The following COL5A1 variants were observed in gnomAD, a reference collection of about 807,000 sequenced individuals.
COL5A1 encodes the protein collagen alpha-1(V) chain.
In COL5A1, 16 loss-of-function variants were observed where a neutral mutation model predicts 263.7. That is an observed-to-expected ratio of 0.06 (90% CI 0.04 to 0.09). The LOEUF is 0.09. COL5A1 is among the 10% of genes least tolerant of loss of function. The pLI is 1.00. For missense variants in COL5A1, 2,036 were observed against 2,540.5 expected (o/e 0.80, Z 4.27); for synonymous variants, 1,012 against 1,004.5 (o/e 1.01, Z -0.14).
rs187340023 is a variant in COL5A1 at position 134,794,568 on chromosome 9, A to G, written c.2701-514A>G. On this transcript the variant is annotated intron_variant, in intron 32 of 65. Coordinates refer to ENST00000371817, the MANE Select transcript of COL5A1 (RefSeq NM_000093.5). This position sits in a 1 kb window ranked among gnomAD's most constrained non-coding sequence, Gnocchi z 4.3. ...GGAGAAGCCGATGACTCTTGGATAT[A>G]TGATTTATATATTAAATTCCAAGTT... Among the ~76,000 whole-genome samples the G allele has an allele frequency of 4.3e-4, 66 of 152,356 alleles. No individual in the cohort carries two copies. Among genetic ancestry groups the G allele is most frequent in the African/African-American group, 1.4e-3 (60 of 41,588 alleles).
chr9:134,648,413 A>ACCAGGACATG (rs1452450759), intron 1 of COL5A1, among the ~76,000 whole-genome samples: 1 of 151,936 alleles, frequency 6.6e-6, no homozygotes, highest in East Asian at 1.9e-4. Flanking sequence ...GACTGCAGCC[A>ACCAGGACATG]CCAGGACATG....
chr9:134,643,043 T>G (rs1588392702), intron 1 of COL5A1, among the ~76,000 whole-genome samples: 2 of 152,290 alleles, frequency 1.3e-5, no homozygotes, highest in South Asian at 2.1e-4. Flanking sequence ...TGGGATGATA[T>G]GCAGATGTGG....
rs909115641 is a variant in COL5A1 at position 134,794,364 on chromosome 9, C to T, written c.2701-718C>T. Among the ~76,000 whole-genome samples the T allele has an allele frequency of 6.6e-6, 1 of 151,778 alleles. No homozygotes were observed. The highest frequency in any genetic ancestry group is 1.9e-4 in the East Asian group (1 of 5,170). ...AAACAAAAAAGAAACCAGTCAAGTT[C>T]AGGAAGCTGAGTTGGGACACGGTGG... On this transcript the variant is annotated intron_variant, in intron 32 of 65. Transcript: ENST00000371817. The surrounding 1 kb of genome is among the most constrained non-coding windows in gnomAD (Gnocchi z 4.3).
Position 134,730,354 on chromosome 9 carries a change from C to A in COL5A1, c.1043C>A (p.Thr348Lys), listed in dbSNP as rs1339426358. The A allele has an allele frequency of 2.5e-6, 4 of 1,614,122 alleles. No individual in the cohort carries two copies. Among genetic ancestry groups the A allele is most frequent in the Non-Finnish European group, 3.4e-6 (4 of 1,180,048 alleles). ...TACGTGCCCAGTGAGGACTACTACA[C>A]GCCCTCACCGTATGATGACCTCACC... The part of the protein sequence containing the change: ...YDYVPSEDYY[T>K]PSPYDDLTYG... The change falls in exon 7 of 66, where the codon ACG becomes AAG. Residue 348 changes from threonine to lysine, a missense_variant. Thr to Lys is a moderately conservative substitution (Grantham distance 78, BLOSUM62 -1). This residue lies in a region of COL5A1 where 600 missense variants were observed against 634.5 expected (regional missense o/e 0.95). Transcript: ENST00000371817.
chr9:134,798,654 A>G (rs1231922118), intron 37 of COL5A1, among the ~76,000 whole-genome samples, 193 bp downstream of exon 37: 1 of 94,874 alleles, frequency 1.1e-5, no homozygotes, highest in African/African-American at 4.2e-5. Context: ...GGGCCAGGGC[A>G]GAGCAGTCAT....
At position 134,763,640 on chromosome 9, in the gene COL5A1, G is replaced by A. The variant is rs374354165; in HGVS notation, c.1990-53G>A. 11 of 1,562,266 alleles carry A rather than the reference G, an allele frequency of 7.0e-6. No individual in the cohort carries two copies. In the South Asian group the frequency reaches 1.0e-4, roughly 14 times the overall value. On this transcript the variant is annotated intron_variant, in intron 19 of 65. Transcript: ENST00000371817. ...CTTGTGCACCACTGAGGGGAAGCTG[G>A]TGTCCAGGCTAACAGCTCATTTCTC...
In COL5A1 at chr9:134,689,075, G is replaced by T. The variant is rs184489396; in HGVS notation, c.110-1837G>T. ...TGAGTCCCCTGGAGGGACAGGGAGT[G>T]CTGGGGAGACAGAGTCCTCCGTCTG... is the stretch of plus-strand genomic sequence containing the variant. On this transcript the variant is annotated intron_variant, in intron 1 of 65. Transcript: ENST00000371817. 4.6e-5 allele frequency among the ~76,000 whole-genome samples: 7 copies of T among 152,308 alleles called. No individual in the cohort carries two copies. In the South Asian group the frequency reaches 1.2e-3, roughly 27 times the overall value.
rs1336610350 is a variant in COL5A1, at chr9:134,731,680, C to T, written c.1332+17C>T. The T allele has an allele frequency of 6.2e-7, 1 of 1,602,864 alleles. No individual in the cohort carries two copies. Among genetic ancestry groups the T allele is most frequent in the South Asian group, 1.1e-5 (1 of 90,224 alleles). ...TATGAAGGGGTGAGAGGGTGCAGGC[C>T]CCCGTTCCGGGTGGGGTTGGGGGGC... On this transcript the variant is annotated intron_variant, in intron 8 of 65. Coordinates refer to ENST00000371817, the MANE Select transcript of COL5A1 (RefSeq NM_000093.5).
intron 19 of COL5A1, 136 bp from the exon 20 acceptor site, chr9:134,763,557 G>A (rs893624658): frequency 8.0e-5 from 71 of 889,096 alleles, no homozygotes; most frequent in Middle Eastern, 6.5e-4. Context: ...AGGCCTTTCC[G>A]GCTGGTACCA....
At chr9:134,772,855 C>T in intron 26 of COL5A1, 21 bp downstream of exon 26, 1 of 1,613,206 alleles carries the variant, frequency 6.2e-7, no homozygotes, top group South Asian at 1.1e-5. Context: ...GCCACGCCCT[C>T]CTACCCTTCA....
At chr9:134,779,490 C>T (rs565407549) in intron 27 of COL5A1, among the ~76,000 whole-genome samples, 31 of 152,320 alleles carry the variant, frequency 2.0e-4, no homozygotes, top group Non-Finnish European at 8.8e-5. Flanking sequence ...CATGTTAACA[C>T]GGAGTTGAAA....
At chr9:134,722,144 C>T (rs904004110) in intron 4 of COL5A1, among the ~76,000 whole-genome samples, 6 of 152,222 alleles carry the variant, frequency 3.9e-5, no homozygotes, top group Admixed American at 1.3e-4. Flanking sequence ...GGAAATGATT[C>T]GAACGAAGCA....
intron 4 of COL5A1, among the ~76,000 whole-genome samples, chr9:134,720,404 A>G (rs1421630693): frequency 6.6e-6 from 1 of 152,182 alleles, no homozygotes; most frequent in Non-Finnish European, 1.5e-5. Flanking sequence ...TTCATCGACC[A>G]ATTTTCCTGG....
rs933136935 is a variant in COL5A1, at chr9:134,794,599, G to T, written c.2701-483G>T. Among the ~76,000 whole-genome samples, 1 of 152,214 alleles carries T rather than the reference G, an allele frequency of 6.6e-6. No homozygotes were observed. ...TATATATTAAATTCCAAGTTTGCGC[G>T]TCTGCAGAGCCTGTTGAAAATTTAA... On this transcript the variant is annotated intron_variant, in intron 32 of 65. Coordinates refer to ENST00000371817, the MANE Select transcript of COL5A1 (RefSeq NM_000093.5). The surrounding 1 kb of genome is among the most constrained non-coding windows in gnomAD (Gnocchi z 4.3).
At chr9:134,719,337 A>C (rs1834373991) in intron 4 of COL5A1, among the ~76,000 whole-genome samples, 1 of 152,242 alleles carries the variant, frequency 6.6e-6, no homozygotes. Context: ...CGCACATGTG[A>C]ATGCAAAACA....
intron 57 of COL5A1, among the ~76,000 whole-genome samples, chr9:134,819,308 A>AG (rs1266008832): frequency 6.6e-6 from 1 of 152,244 alleles, no homozygotes; most frequent in African/African-American, 2.4e-5. Context: ...AGAACCTTCC[A>AG]GCTAGGCACA....
intron 28 of COL5A1, among the ~76,000 whole-genome samples, chr9:134,781,368 T>C (rs1040227416): frequency 8.5e-5 from 13 of 152,238 alleles, no homozygotes; most frequent in Non-Finnish European, 5.9e-5. Flanking sequence ...CAGTTTGGCC[T>C]CTCCAAGAGC....
chr9:134,674,086 C>A (rs1197204478), intron 1 of COL5A1, among the ~76,000 whole-genome samples: 2 of 152,120 alleles, frequency 1.3e-5, no homozygotes, highest in Non-Finnish European at 2.9e-5. Flanking sequence ...AGGGGTGCAA[C>A]CACTTTGGAA....
At chr9:134,660,786 A>C (rs952021077) in intron 1 of COL5A1, among the ~76,000 whole-genome samples, 1 of 152,216 alleles carries the variant, frequency 6.6e-6, no homozygotes, top group Admixed American at 6.5e-5. Flanking sequence ...TGAGCATCTA[A>C]GGAGGCACAG....
Sources: allele counts gnomAD v4.1 joint callset (sites outside exome capture counted in the v4.1 genomes callset), GRCh38; gene constraint gnomAD v4.1.1; regional missense constraint gnomAD v4.1.1; non-coding constraint Gnocchi (gnomAD v3.1); transcripts MANE v1.5; gene names NCBI Gene and HGNC (gene_info 2026-07-23, HGNC 2026-07-21).